Variants in DLK1 observed in about 807,000 individuals in gnomAD.
DLK1 encodes protein delta homolog 1.
DLK1 carries 9 observed loss-of-function variants against 35.2 expected under a neutral mutation model. The observed-to-expected ratio is 0.26, with a 90% CI of 0.15 to 0.45. DLK1 has a LOEUF of 0.45. DLK1 is among the 20% of genes least tolerant of loss of function. DLK1 has a pLI of 1.00. For missense variants in DLK1, 522 were observed against 528.5 expected (o/e 0.99, Z 0.12); for synonymous variants, 231 against 228.4 (o/e 1.01, Z -0.10).
At chr14:100,731,932 C>A in intron 3 of DLK1, 110 bp from the exon 4 acceptor site, 1 of 1,403,022 alleles carries the variant, frequency 7.1e-7, no homozygotes, top group Non-Finnish European at 9.5e-7. Flanking sequence ...AACCCTCTTA[C>A]TCCAGACCCC....
At chr14:100,729,271 T>C in intron 3 of DLK1, 1 of 871,360 alleles carries the variant, frequency 1.1e-6, no homozygotes, top group Non-Finnish European at 1.8e-6. Flanking sequence ...TTTGCTCTTC[T>C]CTGCGCCATC....
chr14:100,734,384 A>G lies in DLK1; in HGVS notation c.640A>G (p.Ser214Gly), dbSNP rs757586228. ...CAGCCGCCCGGTGACCAACTGCGCC[A>G]GCAGCCCGTGCCAGAACGGGGGCAC... ...TCSRPVTNCA[S>G]SPCQNGGTCL... Residue 214 changes from serine to glycine, a missense_variant, in exon 5 of 5, where the codon AGC (serine) becomes GGC (glycine). Ser to Gly is a moderately conservative substitution (Grantham distance 56). Transcript: ENST00000341267. The surrounding 1 kb of genome is among the most constrained non-coding windows in gnomAD (Gnocchi z 7.4). The G allele has an allele frequency of 1.2e-6, 2 of 1,611,994 alleles. No homozygotes were observed. The highest frequency in any genetic ancestry group is 1.7e-6 in the Non-Finnish European group (2 of 1,179,220).
chr14:100,730,687 A>T (rs985838509), intron 3 of DLK1, among the ~76,000 whole-genome samples: 2 of 152,204 alleles, frequency 1.3e-5, no homozygotes, highest in African/African-American at 4.8e-5. Flanking sequence ...TAAATTTAAG[A>T]TTCTGAGTGA....
chr14:100,734,425 C>T lies in DLK1; in HGVS notation c.681C>T (p.Thr227=), dbSNP rs766255575. Residue 227 remains threonine, a synonymous_variant, in exon 5 of 5, where the codon ACC becomes ACT. Coordinates refer to ENST00000341267, the MANE Select transcript of DLK1 (RefSeq NM_003836.7). This position sits in a 1 kb window ranked among gnomAD's most constrained non-coding sequence, Gnocchi z 7.4. The part of the protein sequence containing the change: ...CQNGGTCLQH[T]QVSYECLCKP... ...ACGGGGGCACCTGCCTGCAGCACAC[C>T]CAGGTGAGCTACGAGTGTCTGTGCA... is the stretch of plus-strand genomic sequence containing the variant. 42 of 1,611,920 alleles carry T rather than the reference C, an allele frequency of 2.6e-5. No individual in the cohort carries two copies. The South Asian group carries it at 3.5e-4, about 13-fold the overall frequency.
At position 100,734,493 on chromosome 14, in the gene DLK1, T is replaced by C; in HGVS notation, c.749T>C (p.Leu250Pro). 1 of 1,611,248 alleles carries C rather than the reference T, an allele frequency of 6.2e-7. No individual in the cohort carries two copies. The highest frequency in any genetic ancestry group is 8.5e-7 in the Non-Finnish European group (1 of 1,178,516). Reference protein sequence around the residue: ...TGLTCVKKRALSPQQVTRLPS... With the variant: ...TGLTCVKKRAPSPQQVTRLPS... Reference sequence around the variant, plus strand: ...CTCACCTGTGTCAAGAAGCGCGCGCTGAGCCCCCAGCAGGTCACCCGTCTG... The same window carrying C: ...CTCACCTGTGTCAAGAAGCGCGCGCCGAGCCCCCAGCAGGTCACCCGTCTG... The change falls in exon 5 of 5, where the codon CTG becomes CCG. Residue 250 changes from leucine to proline, a missense_variant. By Grantham distance (98) the Leu-to-Pro change is moderately conservative. Coordinates refer to ENST00000341267, the MANE Select transcript of DLK1 (RefSeq NM_003836.7). This position sits in a 1 kb window ranked among gnomAD's most constrained non-coding sequence, Gnocchi z 7.4.
At chr14:100,728,614 A>AT (rs1487438160) in intron 2 of DLK1, 155 bp downstream of exon 2, 5 of 130,388 alleles carry the variant, frequency 3.8e-5, no homozygotes, top group Non-Finnish European at 5.2e-5. Flanking sequence ...AGCTGGGGAG[A>AT]TGGGGGGGGC....
chr14:100,731,829 A>G (rs767211929), intron 3 of DLK1, among the ~76,000 whole-genome samples: 4 of 152,154 alleles, frequency 2.6e-5, no homozygotes, highest in African/African-American at 4.8e-5. Context: ...AGTGGCCACG[A>G]CTTTCTGATC....
Position 100,732,180 on chromosome 14 carries a change from A to G in DLK1, c.401A>G (p.Asn134Ser). The change falls in exon 4 of 5, where the codon AAC (asparagine) becomes AGC (serine). Residue 134 changes from asparagine (N) to serine (S), a missense_variant. Transcript: ENST00000341267. ...CQKKDGPCVINGSPCQHGGTC... is the reference protein window; with the variant it reads ...CQKKDGPCVISGSPCQHGGTC... The stretch of plus-strand genomic sequence containing the variant: ...AAAAAGGACGGGCCCTGTGTGATCA[A>G]CGGGTAAATATCCTTCCTGTGTGTG... 6.2e-7 allele frequency: 1 copy of G among 1,612,990 alleles called. No homozygotes were observed. The highest frequency in any genetic ancestry group is 1.7e-5 in the Admixed American group (1 of 59,720).
chr14:100,735,055 T>C lies in DLK1; in HGVS notation c.*159T>C, dbSNP rs1399991611. 2 of 886,458 alleles carry C rather than the reference T, an allele frequency of 2.3e-6. No individual in the cohort carries two copies. Among genetic ancestry groups the C allele is most frequent in the Non-Finnish European group, 3.2e-6 (2 of 624,040 alleles). 54.9% of individuals were successfully genotyped at this position (886,458 alleles called of 1,614,324 possible). ...TTGTGCTGCTGTGTGACAAACGCAA[T>C]GCAAAAACAATCCTCTTTCTCTCTC... On this transcript the variant is annotated 3_prime_UTR_variant, in exon 5 of 5. Transcript: ENST00000341267.
rs1385187410 is a variant in DLK1, at chr14:100,734,855, A to G, written c.1111A>G (p.Met371Val). The G allele has an allele frequency of 6.8e-6, 11 of 1,605,918 alleles. No individual in the cohort carries two copies. The African/African-American group carries it at 9.4e-5, about 14-fold the overall frequency. Residue 371 changes from methionine to valine, a missense_variant, in exon 5 of 5, where the codon ATG (methionine) becomes GTG (valine). Met to Val is a conservative substitution (Grantham distance 21). Transcript: ENST00000341267. The surrounding 1 kb of genome is among the most constrained non-coding windows in gnomAD (Gnocchi z 7.4). ...VNIIFPEKID[M>V]TTFSKEAGDE... ...CATCATCTTCCCCGAGAAGATCGAC[A>G]TGACCACCTTCAGCAAGGAGGCCGG...
At chr14:100,727,296 C>T (rs1015545670) in intron 1 of DLK1, among the ~76,000 whole-genome samples, 161 bp downstream of exon 1, 10 of 152,204 alleles carry the variant, frequency 6.6e-5, no homozygotes, top group African/African-American at 2.4e-4. Context: ...ACCCACCACG[C>T]TCGCATGCCA....
chr14:100,731,944 C>T (rs1567021567), intron 3 of DLK1, 98 bp from the exon 4 acceptor site: 1 of 1,451,786 alleles, frequency 6.9e-7, no homozygotes, highest in African/African-American at 1.4e-5. Flanking sequence ...CCAGACCCCA[C>T]TCGGTGGCCA....
chr14:100,732,143 A>G lies in DLK1; in HGVS notation c.364A>G (p.Lys122Glu). The G allele has an allele frequency of 1.9e-6, 3 of 1,614,072 alleles. No homozygotes were observed. Among genetic ancestry groups the G allele is most frequent in the South Asian group, 1.1e-5 (1 of 91,060 alleles). ...ECSCAPGYSGKDCQKKDGPCV... is the reference protein window; with the variant it reads ...ECSCAPGYSGEDCQKKDGPCV... ...CTCCTGTGCCCCCGGGTACTCGGGA[A>G]AGGACTGCCAGAAAAAGGACGGGCC... The change falls in exon 4 of 5, where the codon AAG (lysine) becomes GAG (glutamate). Residue 122 changes from lysine (K) to glutamate (E), a missense_variant. Transcript: ENST00000341267.
At chr14:100,729,608 G>A (rs569501762) in intron 3 of DLK1, among the ~76,000 whole-genome samples, 43 of 152,272 alleles carry the variant, frequency 2.8e-4, no homozygotes, top group South Asian at 8.3e-4. Context: ...CAGGTGTAGG[G>A]GGAGGCTGCA....
intron 1 of DLK1, among the ~76,000 whole-genome samples, chr14:100,727,939 G>A (rs1290753543): frequency 1.3e-5 from 2 of 152,258 alleles, no homozygotes; most frequent in East Asian, 3.9e-4. Context: ...ACGCCTTACT[G>A]GGGCGCCCAC....
intron 4 of DLK1, among the ~76,000 whole-genome samples, chr14:100,733,756 C>T (rs1328216781): frequency 6.6e-6 from 1 of 152,206 alleles, no homozygotes; most frequent in Non-Finnish European, 1.5e-5. Flanking sequence ...TTTTCCTCTC[C>T]TAGCCTCAGT....
In DLK1 at chr14:100,734,280, G is replaced by T. The variant is rs769235930; in HGVS notation, c.536G>T (p.Cys179Phe). 1 of 1,613,498 alleles carries T rather than the reference G, an allele frequency of 6.2e-7. No homozygotes were observed. Reference protein sequence around the residue: ...IVANSCTPNPCENDGVCTDIG... With the variant: ...IVANSCTPNPFENDGVCTDIG... The stretch of plus-strand genomic sequence containing the variant: ...GCCAACAGCTGCACCCCCAACCCAT[G>T]CGAGAACGACGGCGTCTGCACTGAC... Residue 179 changes from cysteine (C) to phenylalanine (F), a missense_variant, in exon 5 of 5, where the codon TGC becomes TTC. Transcript: ENST00000341267. The surrounding 1 kb of genome is among the most constrained non-coding windows in gnomAD (Gnocchi z 7.4).
chr14:100,732,332 T>A (rs1312453556), intron 4 of DLK1, 149 bp downstream of exon 4: 2 of 1,232,400 alleles, frequency 1.6e-6, no homozygotes, highest in Middle Eastern at 2.0e-4. Flanking sequence ...CCGCCCTGGA[T>A]GGGAGTATTC....
chr14:100,727,198 G>A, intron 1 of DLK1, 63 bp downstream of exon 1: 9 of 1,465,216 alleles, frequency 6.1e-6, no homozygotes, highest in South Asian at 1.3e-5. Flanking sequence ...CCCGCCGGCC[G>A]CCCGGTGCCC....
Sources: allele counts gnomAD v4.1 joint callset (sites outside exome capture counted in the v4.1 genomes callset), GRCh38; gene constraint gnomAD v4.1.1; non-coding constraint Gnocchi (gnomAD v3.1); transcripts MANE v1.5; gene names NCBI Gene and HGNC (gene_info 2026-07-23, HGNC 2026-07-21).